OR2C1: variants seen among roughly 807,000 people sequenced by gnomAD.
OR2C1 encodes olfactory receptor family 2 subfamily C member 1.
For synonymous variants in OR2C1, 209 were observed against 167.3 expected (o/e 1.25, Z -1.92); for missense variants, 468 against 388.3 (o/e 1.21, Z -1.73).
In OR2C1 at chr16:3,356,876, C is replaced by T. The variant is rs74527639; in HGVS notation, c.936C>T (p.Gly312=). 1.3e-6 allele frequency: 2 copies of T among 1,578,364 alleles called. No individual in the cohort carries two copies. Among genetic ancestry groups the T allele is most frequent in the African/African-American group, 1.3e-5 (1 of 74,148 alleles). ...RRLLGKGREV[G] is the part of the protein sequence containing the mutation. ...TGCTGGGGAAAGGAAGAGAAGTTGG[C>T]TGAGAGAACACTCCTTCGTTATTTA... The change falls in exon 1 of 1, where the codon GGC becomes GGT. Residue 312 remains glycine, a synonymous_variant. Coordinates refer to ENST00000304936, the MANE Select transcript of OR2C1 (RefSeq NM_012368.3).
upstream of OR2C1, among the ~76,000 whole-genome samples, chr16:3,351,936 A>G (rs1670323286): frequency 6.7e-6 from 1 of 148,556 alleles, no homozygotes; most frequent in African/African-American, 2.5e-5. Context: ...GCTTATTAGA[A>G]CTGCCACCTT....
chr16:3,349,943 A>G, the OR2C1 span, among the ~76,000 whole-genome samples: 1 of 151,908 alleles, frequency 6.6e-6, no homozygotes, highest in Non-Finnish European at 1.5e-5. Context: ...CCTTTAGGCG[A>G]AAGGTTGGCG....
the OR2C1 span, chr16:3,323,657 A>G: frequency 4.7e-5 from 33 of 702,240 alleles, no homozygotes; most frequent in Middle Eastern, 2.8e-4. Context: ...GCTGCATACA[A>G]CAAAGGCCAA....
the OR2C1 span, among the ~76,000 whole-genome samples, chr16:3,331,736 A>C: frequency 2.0e-5 from 3 of 152,010 alleles, no homozygotes; most frequent in Non-Finnish European, 4.4e-5. Context: ...GTATATTCCC[A>C]AAGGACTATA....
At chr16:3,336,649 C>G in the OR2C1 span, among the ~76,000 whole-genome samples, 3 of 149,864 alleles carry the variant, frequency 2.0e-5, no homozygotes, top group Non-Finnish European at 4.4e-5. Context: ...GTGCGAGCTA[C>G]CACACCCGGC....
chr16:3,356,253 C>T lies in OR2C1; in HGVS notation c.313C>T (p.Leu105Phe). Residue 105 changes from leucine to phenylalanine, a missense_variant, in exon 1 of 1, where the codon CTT becomes TTT. Transcript: ENST00000304936. The part of the protein sequence containing the change: ...GGCITQLYVF[L>F]WLGATECILL... ...CTGCATAACCCAGCTCTATGTCTTCCTTTGGCTGGGGGCCACCGAGTGCAT... is the reference window on the plus strand; with the variant it reads ...CTGCATAACCCAGCTCTATGTCTTCTTTTGGCTGGGGGCCACCGAGTGCAT... 1.2e-6 allele frequency: 2 copies of T among 1,614,090 alleles called. No homozygotes were observed. Among genetic ancestry groups the T allele is most frequent in the Non-Finnish European group, 1.7e-6 (2 of 1,180,054 alleles).
the OR2C1 span, among the ~76,000 whole-genome samples, chr16:3,338,444 G>T: frequency 6.6e-6 from 1 of 151,980 alleles, no homozygotes; most frequent in Non-Finnish European, 1.5e-5. Flanking sequence ...CTTGGTGCTG[G>T]GCAGATTGGG....
the OR2C1 span, among the ~76,000 whole-genome samples, chr16:3,340,237 C>T: frequency 1.3e-5 from 2 of 151,940 alleles, no homozygotes; most frequent in Non-Finnish European, 2.9e-5. Context: ...CAAGATCACA[C>T]CACTGCACTC....
upstream of OR2C1, among the ~76,000 whole-genome samples, chr16:3,354,733 C>G (rs1007014454): frequency 6.6e-6 from 1 of 152,154 alleles, no homozygotes; most frequent in African/African-American, 2.4e-5. Flanking sequence ...CTGCTTCCCC[C>G]CTTCCCTGAG....
the OR2C1 span, among the ~76,000 whole-genome samples, chr16:3,337,981 C>T: frequency 6.6e-6 from 1 of 152,222 alleles, no homozygotes; most frequent in Non-Finnish European, 1.5e-5. Flanking sequence ...AGGTAGGTCA[C>T]TGCGTCCTTT....
chr16:3,329,587 C>A, the OR2C1 span, among the ~76,000 whole-genome samples: 3 of 146,674 alleles, frequency 2.0e-5, no homozygotes, highest in Non-Finnish European at 4.5e-5. Context: ...GTAGCTGGGA[C>A]TACAGATGCC....
chr16:3,351,149 C>G (rs1400351145), upstream of OR2C1, among the ~76,000 whole-genome samples: 1 of 150,402 alleles, frequency 6.6e-6, no homozygotes, highest in African/African-American at 2.4e-5. Context: ...TTTTATCACA[C>G]CAACACCTCA....
At chr16:3,339,317 C>T in the OR2C1 span, among the ~76,000 whole-genome samples, 1,113 of 149,524 alleles carry the variant, frequency 7.4e-3, 2 homozygotes, top group Non-Finnish European at 0.012. Flanking sequence ...AATAGTGTTG[C>T]TATAAATATG....
the OR2C1 span, among the ~76,000 whole-genome samples, chr16:3,338,365 C>T: frequency 6.6e-6 from 1 of 152,060 alleles, no homozygotes; most frequent in Admixed American, 6.6e-5. Context: ...GGTGAGGAAG[C>T]TGGTTGTCCA....
At chr16:3,355,454 T>C (rs986401261), upstream of OR2C1, among the ~76,000 whole-genome samples, 4 of 4,970 alleles carry the variant, frequency 8.0e-4, no homozygotes, top group African/African-American at 1.8e-3. Flanking sequence ...CGAGACTCTG[T>C]CTCAAAAAAA....
the OR2C1 span, among the ~76,000 whole-genome samples, chr16:3,345,723 C>G: frequency 4.6e-5 from 7 of 151,822 alleles, no homozygotes; most frequent in African/African-American, 1.7e-4. Flanking sequence ...TTCCCTCCCT[C>G]CCTTCTTCCC....
chr16:3,354,327 C>T (rs965069968), upstream of OR2C1, among the ~76,000 whole-genome samples: 4 of 152,158 alleles, frequency 2.6e-5, no homozygotes, highest in African/African-American at 4.8e-5. Flanking sequence ...GACGTGGACA[C>T]AGTAGTTATA....
At chr16:3,338,937 A>C in the OR2C1 span, among the ~76,000 whole-genome samples, 1 of 152,196 alleles carries the variant, frequency 6.6e-6, no homozygotes, top group East Asian at 1.9e-4. Context: ...TTGTTTAACC[A>C]CCAGCTTCAT....
the OR2C1 span, among the ~76,000 whole-genome samples, chr16:3,337,312 G>A: frequency 8.6e-5 from 13 of 151,826 alleles, no homozygotes; most frequent in African/African-American, 2.9e-4. Flanking sequence ...GGGCCACCAT[G>A]CCCAGCTAAT....
Sources: gnomAD v4.1 joint callset for allele counts (sites outside exome capture counted in the v4.1 genomes callset) on GRCh38, gnomAD v4.1.1 for gene constraint, MANE v1.5 for transcripts, NCBI Gene and HGNC (gene_info 2026-07-23, HGNC 2026-07-21) for gene names.